DSCAM: variants seen among roughly 807,000 people sequenced by gnomAD.
DSCAM encodes cell adhesion molecule DSCAM.
A neutral mutation model predicts 217.7 loss-of-function variants in DSCAM; 47 were observed. The observed-to-expected ratio is 0.22, with a 90% CI of 0.17 to 0.28. The LOEUF is 0.28. Ranked by LOEUF, DSCAM falls within the 10% of genes least tolerant of loss-of-function variation. The pLI, the probability that DSCAM is intolerant of heterozygous loss-of-function variation, is 1.00. For synonymous variants in DSCAM, 1,056 were observed against 1,015.3 expected, an observed-to-expected ratio of 1.04 and a Z score of -0.76; for missense variants, 2,080 against 2,618.3, an observed-to-expected ratio of 0.79 and a Z score of 4.49.
chr21:40,683,823 G>GT (rs1194556136), intron 3 of DSCAM, among the ~76,000 whole-genome samples: 1 of 152,208 alleles, frequency 6.6e-6, no homozygotes, highest in Non-Finnish European at 1.5e-5. Context: ...GTGCAGCAGA[G>GT]TTGAGAATGG....
intron 3 of DSCAM, among the ~76,000 whole-genome samples, chr21:40,657,227 G>A (rs1459128688): frequency 6.6e-6 from 1 of 152,130 alleles, no homozygotes; most frequent in African/African-American, 2.4e-5. Flanking sequence ...TGTGTGTGTT[G>A]AAGCCTAGAG....
chr21:40,302,974 A>AT (rs2074032866), intron 9 of DSCAM, among the ~76,000 whole-genome samples: 1 of 152,158 alleles, frequency 6.6e-6, no homozygotes, highest in Non-Finnish European at 1.5e-5. Flanking sequence ...TTTGGAAGCC[A>AT]TGGCTTCTAA....
At chr21:40,816,003 A>T (rs909148610) in intron 1 of DSCAM, among the ~76,000 whole-genome samples, 46 of 152,212 alleles carry the variant, frequency 3.0e-4, no homozygotes, top group African/African-American at 8.7e-4. Flanking sequence ...GACATCCCTG[A>T]GATCCCAAAG....
intron 10 of DSCAM, among the ~76,000 whole-genome samples, chr21:40,279,367 T>C (rs923630718): frequency 7.7e-6 from 1 of 129,862 alleles, no homozygotes; most frequent in Non-Finnish European, 1.7e-5. Context: ...AAGAAACATA[T>C]GAAAAAAAGC....
intron 3 of DSCAM, among the ~76,000 whole-genome samples, chr21:40,625,436 C>T (rs1484260388): frequency 1.3e-5 from 2 of 152,170 alleles, no homozygotes; most frequent in Non-Finnish European, 2.9e-5. Flanking sequence ...TAGGAGTCTC[C>T]TTTTTCACTC....
At chr21:40,816,084 G>T (rs2091879151) in intron 1 of DSCAM, among the ~76,000 whole-genome samples, 1 of 152,224 alleles carries the variant, frequency 6.6e-6, no homozygotes, top group Non-Finnish European at 1.5e-5. Context: ...GTCTACTAGA[G>T]AAACAATGTC....
intron 8 of DSCAM, among the ~76,000 whole-genome samples, chr21:40,316,563 C>T (rs1051630378): frequency 7.2e-5 from 11 of 152,138 alleles, no homozygotes; most frequent in Non-Finnish European, 1.2e-4. Flanking sequence ...ATGATATCAC[C>T]TAAATAAGGT....
chr21:40,354,062 G>A (rs553212902), intron 4 of DSCAM, among the ~76,000 whole-genome samples: 3 of 152,200 alleles, frequency 2.0e-5, no homozygotes, highest in South Asian at 2.1e-4. Context: ...TTCATAACTG[G>A]GAATGTCAGA....
intron 3 of DSCAM, among the ~76,000 whole-genome samples, chr21:40,623,152 G>A (rs2089545490): frequency 6.6e-6 from 1 of 151,912 alleles, no homozygotes; most frequent in Admixed American, 6.5e-5. Context: ...TCCTTTTCCA[G>A]AATGCATCAT....
chr21:40,055,236 G>C (rs1166080505), intron 29 of DSCAM, among the ~76,000 whole-genome samples: 1 of 152,186 alleles, frequency 6.6e-6, no homozygotes, highest in Non-Finnish European at 1.5e-5. Context: ...CACTGGTGTG[G>C]GGGAAGATAC....
intron 20 of DSCAM, among the ~76,000 whole-genome samples, chr21:40,111,250 G>C (rs1261473971): frequency 4.6e-5 from 7 of 152,264 alleles, no homozygotes; most frequent in African/African-American, 1.7e-4. Context: ...AAGAGAGTGG[G>C]GGCCAATATT....
chr21:40,508,067 T>G (rs982195075), intron 3 of DSCAM, among the ~76,000 whole-genome samples: 3 of 152,182 alleles, frequency 2.0e-5, no homozygotes, highest in Non-Finnish European at 4.4e-5. Context: ...AGAGTATGTT[T>G]AATCTGGTTG....
intron 15 of DSCAM, among the ~76,000 whole-genome samples, chr21:40,172,288 A>C (rs2898401): frequency 0.6 from 91,269 of 152,114 alleles, 28,386 homozygotes; most frequent in African/African-American, 0.76. Flanking sequence ...AAGTGATTTT[A>C]CAAAATAAAC....
chr21:40,608,420 CA>C (rs1434968304), intron 3 of DSCAM, among the ~76,000 whole-genome samples: 2 of 152,234 alleles, frequency 1.3e-5, no homozygotes, highest in East Asian at 3.9e-4. Flanking sequence ...CATTGTATAC[CA>C]GGTAACATTG....
At chr21:40,759,233 T>G (rs934841216) in intron 1 of DSCAM, among the ~76,000 whole-genome samples, 4 of 152,076 alleles carry the variant, frequency 2.6e-5, no homozygotes, top group Non-Finnish European at 5.9e-5. Context: ...CCCCAGGCTC[T>G]CAGCCTCCCA....
chr21:40,241,407 T>C (rs2073151142), intron 11 of DSCAM, among the ~76,000 whole-genome samples: 1 of 152,084 alleles, frequency 6.6e-6, no homozygotes, highest in Non-Finnish European at 1.5e-5. Context: ...CACCAATCAC[T>C]AGAGAAATGC....
chr21:40,598,495 CTG>C (rs2077038180), intron 3 of DSCAM, among the ~76,000 whole-genome samples: 3 of 117,236 alleles, frequency 2.6e-5, no homozygotes, highest in Non-Finnish European at 3.4e-5. Flanking sequence ...AACTGCCAAA[CTG>C]TTTTTTTTTT....
At chr21:40,524,288 T>C (rs905191553) in intron 3 of DSCAM, among the ~76,000 whole-genome samples, 4 of 152,182 alleles carry the variant, frequency 2.6e-5, no homozygotes, top group African/African-American at 9.7e-5. Flanking sequence ...AATTAACAGA[T>C]TTTCCGAAAC....
At chr21:40,401,229 G>A (rs2075230450) in intron 3 of DSCAM, among the ~76,000 whole-genome samples, 1 of 152,284 alleles carries the variant, frequency 6.6e-6, no homozygotes, top group South Asian at 2.1e-4. Flanking sequence ...GATTATTTCA[G>A]CTTGCAGCTC....
Sources: allele counts gnomAD v4.1 joint callset (sites outside exome capture counted in the v4.1 genomes callset), GRCh38; gene constraint gnomAD v4.1.1; transcripts MANE v1.5; gene names NCBI Gene and HGNC (gene_info 2026-07-23, HGNC 2026-07-21).